Variants in DMD observed in about 807,000 individuals in gnomAD.
DMD encodes dystrophin.
In DMD, 63 loss-of-function variants were observed where a neutral mutation model predicts 330.1. The ratio of observed to expected loss-of-function variants is 0.19; its 90% CI spans 0.16 to 0.24. The LOEUF (loss-of-function observed/expected upper bound fraction) is 0.24, where lower values mean the gene tolerates loss of function less well. DMD is among the 10% of genes least tolerant of loss of function. The probability of loss-of-function intolerance (pLI) is 1.00; values close to 1 mark genes in which losing one functional copy is unlikely to be tolerated. For missense variants in DMD, 3,344 were observed against 2,684.1 expected (o/e 1.25, Z -5.43); for synonymous variants, 1,223 against 959.8 (o/e 1.27, Z -5.07).
At chrX:32,746,618 T>A (rs527891756) in intron 7 of DMD, among the ~76,000 whole-genome samples, 2 of 112,231 alleles carry the variant, frequency 1.8e-5, no homozygotes, top group Non-Finnish European at 3.8e-5. Flanking sequence ...AGAGTGATAT[T>A]TTCCTATATG....
intron 9 of DMD, among the ~76,000 whole-genome samples, chrX:32,651,856 A>C (rs924162670): frequency 8.9e-6 from 1 of 112,462 alleles, no homozygotes; most frequent in Non-Finnish European, 1.9e-5. Flanking sequence ...CTGAGCAAAA[A>C]ATAAAGCTAA....
intron 2 of DMD, among the ~76,000 whole-genome samples, chrX:32,957,571 A>C (rs2091664002): frequency 8.9e-6 from 1 of 111,971 alleles, no homozygotes; most frequent in African/African-American, 3.2e-5. Context: ...AGGCCAAAGT[A>C]AACACTATCA....
chrX:31,369,852 A>G (rs1470737866), intron 60 of DMD, among the ~76,000 whole-genome samples: 1 of 111,786 alleles, frequency 8.9e-6, no homozygotes, highest in Non-Finnish European at 1.9e-5. Flanking sequence ...TAAAAATCAA[A>G]TGGATCACAG....
chrX:33,111,023 G>T (rs1325908322), intron 1 of DMD, among the ~76,000 whole-genome samples: 1 of 111,400 alleles, frequency 9.0e-6, no homozygotes, highest in Non-Finnish European at 1.9e-5. Context: ...CTTATACACA[G>T]ATGCTTGAAA....
intron 1 of DMD, among the ~76,000 whole-genome samples, chrX:33,202,553 C>T (rs1603413994): frequency 8.9e-6 from 1 of 111,926 alleles, no homozygotes; most frequent in East Asian, 2.8e-4. Context: ...TAGAATAGTG[C>T]TATGCACACA....
At chrX:33,008,963 T>C (rs1159629135) in intron 2 of DMD, among the ~76,000 whole-genome samples, 24 of 96,507 alleles carry the variant, frequency 2.5e-4, no homozygotes, top group African/African-American at 6.1e-4. Context: ...TATATATACA[T>C]ATGTGTATAT....
intron 44 of DMD, among the ~76,000 whole-genome samples, chrX:31,979,088 T>C (rs187566359): frequency 2.7e-5 from 3 of 111,975 alleles, no homozygotes; most frequent in Non-Finnish European, 3.8e-5. Context: ...AAGGACTCAT[T>C]CTGTCATGCA....
intron 7 of DMD, among the ~76,000 whole-genome samples, chrX:32,781,679 T>TC (rs2074777720): frequency 9.1e-6 from 1 of 110,197 alleles, no homozygotes; most frequent in Admixed American, 9.8e-5. Flanking sequence ...CATACTACAT[T>TC]CGTCTTATTC....
chrX:31,241,142 T>A (rs184303155), intron 63 of DMD, among the ~76,000 whole-genome samples: 39 of 111,720 alleles, frequency 3.5e-4, no homozygotes, highest in African/African-American at 1.1e-3. Context: ...AGTAATATTT[T>A]TATCATGCTG....
chrX:32,462,470 G>T (rs1284659194), intron 25 of DMD, among the ~76,000 whole-genome samples: 2 of 111,365 alleles, frequency 1.8e-5, no homozygotes, highest in Non-Finnish European at 3.8e-5. Context: ...CGAACAAGAA[G>T]TATTTGATAT....
intron 1 of DMD, among the ~76,000 whole-genome samples, chrX:33,202,261 T>G (rs1195307654): frequency 2.7e-5 from 3 of 111,677 alleles, no homozygotes; most frequent in Middle Eastern, 4.2e-3. Flanking sequence ...TGAGAGATCG[T>G]GACAACTGAC....
intron 60 of DMD, among the ~76,000 whole-genome samples, chrX:31,407,476 T>TC (rs1353170847): frequency 5.0e-4 from 52 of 104,241 alleles, no homozygotes; most frequent in Non-Finnish European, 6.8e-4. Flanking sequence ...CTTTTTTTTT[T>TC]TCTTTTTTTT....
At chrX:32,866,658 G>C (rs1202165302) in intron 2 of DMD, among the ~76,000 whole-genome samples, 5 of 97,644 alleles carry the variant, frequency 5.1e-5, no homozygotes, top group African/African-American at 1.6e-4. Flanking sequence ...CAATAGTTTT[G>C]TCAGTTTCAT....
chrX:32,815,520 T>TATATATATATATATATATAATATATACAC, intron 6 of DMD, among the ~76,000 whole-genome samples: 9 of 78,920 alleles, frequency 1.1e-4, no homozygotes, highest in African/African-American at 3.7e-4. Context: ...TATATATATA[T>TATATATATATATATATATAATATATACAC]ACACACACAC....
intron 7 of DMD, among the ~76,000 whole-genome samples, chrX:32,750,420 G>A (rs977057079): frequency 8.9e-6 from 1 of 111,914 alleles, no homozygotes; most frequent in African/African-American, 3.2e-5. Flanking sequence ...AGTAAATCAA[G>A]AAATGTGCAA....
intron 55 of DMD, among the ~76,000 whole-genome samples, chrX:31,586,599 G>A (rs929077409): frequency 5.3e-5 from 6 of 112,453 alleles, no homozygotes. Flanking sequence ...TTATATTCTT[G>A]ATAGCAGAAT....
At chrX:32,441,140 G>A in intron 28 of DMD, 40 bp downstream of exon 28, 2 of 1,184,968 alleles carry the variant, frequency 1.7e-6, no homozygotes, top group Non-Finnish European at 1.1e-6. Context: ...TTTTAATACT[G>A]CATATAAATT....
At chrX:32,544,740 C>T (rs1450518760) in intron 17 of DMD, among the ~76,000 whole-genome samples, 1 of 108,833 alleles carries the variant, frequency 9.2e-6, no homozygotes, top group Non-Finnish European at 1.9e-5. Context: ...GGATGGATCC[C>T]ATCTATTATA....
intron 7 of DMD, among the ~76,000 whole-genome samples, chrX:32,708,863 C>G (rs1340072541): frequency 9.0e-6 from 1 of 111,425 alleles, no homozygotes; most frequent in Non-Finnish European, 1.9e-5. Flanking sequence ...GAGCAAAACA[C>G]CATCACACAC....
Sources: allele counts gnomAD v4.1 joint callset (sites outside exome capture counted in the v4.1 genomes callset), GRCh38; gene constraint gnomAD v4.1.1; transcripts MANE v1.5; gene names NCBI Gene and HGNC (gene_info 2026-07-23, HGNC 2026-07-21).